Variants in SLC13A3 observed in about 807,000 individuals in gnomAD.
The protein encoded by SLC13A3 is solute carrier family 13 member 3.
Under a neutral mutation model 59.0 loss-of-function variants are expected in SLC13A3, and 40 were observed. That is an observed-to-expected ratio of 0.68 (90% CI 0.53 to 0.88). The LOEUF (loss-of-function observed/expected upper bound fraction) is 0.88, where lower values mean the gene tolerates loss of function less well. SLC13A3 is among the 40% of genes least tolerant of loss of function. SLC13A3 has a pLI of 0.00. For missense variants in SLC13A3, 699 were observed against 783.2 expected, an observed-to-expected ratio of 0.89 and a Z score of 1.28; for synonymous variants, 317 against 330.3, an observed-to-expected ratio of 0.96 and a Z score of 0.44.
At chr20:46,674,916 T>C (rs2063115615), upstream of SLC13A3, among the ~76,000 whole-genome samples, 1 of 151,900 alleles carries the variant, frequency 6.6e-6, no homozygotes, top group African/African-American at 2.4e-5. Context: ...TTGACAGGAA[T>C]GAAGCTGGGC....
At chr20:46,673,333 G>A (rs559304625), upstream of SLC13A3, among the ~76,000 whole-genome samples, 3 of 152,288 alleles carry the variant, frequency 2.0e-5, no homozygotes, top group African/African-American at 7.2e-5. Context: ...CAGTTATGGA[G>A]GCTTGCTGTG....
intron 1 of SLC13A3, among the ~76,000 whole-genome samples, chr20:46,659,684 C>T (rs1690691273): frequency 6.7e-6 from 1 of 150,366 alleles, no homozygotes. Context: ...GTACTGCACT[C>T]CAGCCTGGGT....
At chr20:46,633,232 A>G (rs2062762259) in intron 1 of SLC13A3, among the ~76,000 whole-genome samples, 1 of 152,138 alleles carries the variant, frequency 6.6e-6, no homozygotes, top group South Asian at 2.1e-4. Context: ...CCCAACCTGG[A>G]AAGAAGAGAC....
intron 1 of SLC13A3, among the ~76,000 whole-genome samples, chr20:46,637,981 G>A (rs575961333): frequency 4.6e-5 from 7 of 152,182 alleles, no homozygotes; most frequent in Non-Finnish European, 1.0e-4. Context: ...CAAGAAAAAA[G>A]TCAGGAGCAG....
intron 9 of SLC13A3, 21 bp downstream of exon 9, chr20:46,583,551 C>T (rs753040545): frequency 6.2e-7 from 1 of 1,613,222 alleles, no homozygotes. Context: ...CCCACCGAGA[C>T]CCCAGCCTTG....
At chr20:46,630,150 C>A (rs1045036666) in intron 1 of SLC13A3, among the ~76,000 whole-genome samples, 1 of 152,184 alleles carries the variant, frequency 6.6e-6, no homozygotes, top group Non-Finnish European at 1.5e-5. Flanking sequence ...TTACTCAATG[C>A]GAAGACCCAA....
At chr20:46,667,084 A>G (rs1361518764) in intron 1 of SLC13A3, among the ~76,000 whole-genome samples, 1 of 151,980 alleles carries the variant, frequency 6.6e-6, no homozygotes, top group Non-Finnish European at 1.5e-5. Flanking sequence ...AGGGCAAGTT[A>G]TTTCCCAACG....
intron 1 of SLC13A3, among the ~76,000 whole-genome samples, chr20:46,633,378 C>T (rs1296559920): frequency 6.6e-6 from 1 of 152,208 alleles, no homozygotes; most frequent in African/African-American, 2.4e-5. Context: ...AGCTTGGGTG[C>T]AAATCTCAGC....
intron 1 of SLC13A3, among the ~76,000 whole-genome samples, chr20:46,641,322 T>G (rs2062844457): frequency 6.6e-6 from 1 of 152,168 alleles, no homozygotes; most frequent in African/African-American, 2.4e-5. Flanking sequence ...GGCACTACTC[T>G]GGGTACAGGG....
At chr20:46,578,560 C>A (rs1003997840) in intron 9 of SLC13A3, among the ~76,000 whole-genome samples, 2 of 151,926 alleles carry the variant, frequency 1.3e-5, no homozygotes, top group African/African-American at 4.8e-5. Context: ...CCTATAATCC[C>A]AGCTACTTGG....
intron 9 of SLC13A3, among the ~76,000 whole-genome samples, chr20:46,580,529 C>A (rs2062125883): frequency 6.6e-6 from 1 of 151,172 alleles, no homozygotes; most frequent in Non-Finnish European, 1.5e-5. Flanking sequence ...GTGTTACCTC[C>A]TTGTAGGCAG....
chr20:46,614,759 G>C (rs751712251), intron 1 of SLC13A3, among the ~76,000 whole-genome samples: 45 of 152,192 alleles, frequency 3.0e-4, no homozygotes, highest in Non-Finnish European at 5.9e-4. Context: ...GTGCAGACCA[G>C]GGTAGACCAA....
chr20:46,657,818 AG>A (rs1646042529), intron 1 of SLC13A3, among the ~76,000 whole-genome samples: 1 of 152,160 alleles, frequency 6.6e-6, no homozygotes, highest in Non-Finnish European at 1.5e-5. Flanking sequence ...TGTCCAGAGC[AG>A]GAGCAAGGCG....
chr20:46,614,240 C>T (rs1448511061), intron 1 of SLC13A3, among the ~76,000 whole-genome samples: 2 of 152,152 alleles, frequency 1.3e-5, no homozygotes, highest in Admixed American at 6.5e-5. Flanking sequence ...CCACTGTGGA[C>T]ACCTGAAGCT....
chr20:46,568,401 C>CAAAAAAA (rs66526539), intron 10 of SLC13A3, among the ~76,000 whole-genome samples: 6 of 58,696 alleles, frequency 1.0e-4, no homozygotes, highest in African/African-American at 2.1e-4. Context: ...GACTCCATCT[C>CAAAAAAA]AAAAAAAAAA....
intron 1 of SLC13A3, among the ~76,000 whole-genome samples, chr20:46,669,707 A>G (rs2063080748): frequency 6.6e-6 from 1 of 152,238 alleles, no homozygotes; most frequent in African/African-American, 2.4e-5. Context: ...TACTATTTGT[A>G]TAAATAATAA....
chr20:46,679,040 A>C (rs1055749061), intron 1 of SLC13A3, among the ~76,000 whole-genome samples: 2 of 152,086 alleles, frequency 1.3e-5, no homozygotes, highest in African/African-American at 4.8e-5. Context: ...TGAGGCCCTC[A>C]CCAGAAGCAG....
chr20:46,670,580 T>C (rs531917006), upstream of SLC13A3, among the ~76,000 whole-genome samples: 17 of 152,246 alleles, frequency 1.1e-4, no homozygotes, highest in South Asian at 1.4e-3. Context: ...TAAAGAAGCA[T>C]GGACTAGACT....
chr20:46,626,668 G>A (rs952195653), intron 1 of SLC13A3, among the ~76,000 whole-genome samples: 3 of 152,154 alleles, frequency 2.0e-5, no homozygotes, highest in African/African-American at 4.8e-5. Context: ...GAATTAGTAA[G>A]AAGTGCTGCT....
Sources: gnomAD v4.1 joint callset for allele counts (sites outside exome capture counted in the v4.1 genomes callset) on GRCh38, gnomAD v4.1.1 for gene constraint, MANE v1.5 for transcripts, NCBI Gene and HGNC (gene_info 2026-07-23, HGNC 2026-07-21) for gene names.